Variants in PCDHGA7 observed in about 807,000 individuals in gnomAD.
The protein encoded by PCDHGA7 is protocadherin gamma-A7.
PCDHGA7 carries 44 observed loss-of-function variants against 58.3 expected under a neutral mutation model. The observed-to-expected ratio is 0.75, with a 90% CI of 0.59 to 0.97. The LOEUF (loss-of-function observed/expected upper bound fraction) is 0.97, where lower values mean the gene tolerates loss of function less well. Among genes scored for constraint, PCDHGA7 ranks in the 50% least tolerant of loss-of-function variants. The pLI is 0.00. For missense variants in PCDHGA7, 1,266 were observed against 1,188.7 expected (o/e 1.06, Z -0.96); for synonymous variants, 516 against 504.2 (o/e 1.02, Z -0.31).
chr5:141,494,234 A>G (rs1299510042), intron 1 of PCDHGA7, among the ~76,000 whole-genome samples: 1 of 152,138 alleles, frequency 6.6e-6, no homozygotes, highest in Non-Finnish European at 1.5e-5. Context: ...CTAAATTAAT[A>G]ATGTATTTAG....
intron 1 of PCDHGA7, among the ~76,000 whole-genome samples, chr5:141,401,792 T>C (rs1359997438): frequency 6.6e-6 from 1 of 152,212 alleles, no homozygotes; most frequent in Non-Finnish European, 1.5e-5. Context: ...CCTTAGTATG[T>C]GATTCAGTAA....
intron 1 of PCDHGA7, chr5:141,428,211 C>A: frequency 7.8e-7 from 1 of 1,284,316 alleles, no homozygotes; most frequent in Non-Finnish European, 1.1e-6. Context: ...CTACGCTTCA[C>A]CTAGTCTTCG....
At chr5:141,419,472 G>T in intron 1 of PCDHGA7, 1 of 1,612,328 alleles carries the variant, frequency 6.2e-7, no homozygotes, top group South Asian at 1.1e-5. Flanking sequence ...CGCGACCAGG[G>T]CTCGCCCGCG....
rs762574320 is a variant in PCDHGA7, at chr5:141,485,926, G to T, written c.2425-8881G>T. 2.5e-6 allele frequency: 4 copies of T among 1,614,090 alleles called. No individual in the cohort carries two copies. The highest frequency in any genetic ancestry group is 3.4e-6 in the Non-Finnish European group (4 of 1,180,052). On this transcript the variant is annotated intron_variant, in intron 1 of 3. Transcript: ENST00000518325. This position sits in a 1 kb window ranked among gnomAD's most constrained non-coding sequence, Gnocchi z 5.7. Reference sequence around the variant, plus strand: ...AGCAATCCAGCTACAGGATTAGTGTGTTGGAGAGCGCACCAGCGGGCATGG... The same window carrying T: ...AGCAATCCAGCTACAGGATTAGTGTTTTGGAGAGCGCACCAGCGGGCATGG...
intron 1 of PCDHGA7, among the ~76,000 whole-genome samples, chr5:141,474,763 A>G (rs2099354251): frequency 6.6e-6 from 1 of 152,254 alleles, no homozygotes; most frequent in Non-Finnish European, 1.5e-5. Flanking sequence ...ATATACAGAA[A>G]TAGTATGAGG....
rs370432555 is a variant in PCDHGA7 at position 141,388,865 on chromosome 5, G to A, written c.2424+3542G>A. On this transcript the variant is annotated intron_variant, in intron 1 of 3. Transcript: ENST00000518325. Reference sequence around the variant, plus strand: ...CAAGGGACGGTGGAGGAATGATTGCGCAATGCACAGTGGAGGTAGAAGTCA... The same window carrying A: ...CAAGGGACGGTGGAGGAATGATTGCACAATGCACAGTGGAGGTAGAAGTCA... 10 of 1,613,808 alleles carry A rather than the reference G, an allele frequency of 6.2e-6. No homozygotes were observed. In the East Asian group the frequency reaches 6.7e-5, roughly 11 times the overall value.
chr5:141,407,869 A>T lies in PCDHGA7; in HGVS notation c.2424+22546A>T, dbSNP rs1031666668. ...GGATGTACACCTGCATTTTCGAAGA[A>T]TATATACATTTCGGAGACCGAATTC... On this transcript the variant is annotated intron_variant, in intron 1 of 3. Coordinates refer to ENST00000518325, the MANE Select transcript of PCDHGA7 (RefSeq NM_018920.4). Among the ~76,000 whole-genome samples, 20 of 152,262 alleles carry T rather than the reference A, an allele frequency of 1.3e-4. No homozygotes were observed. The East Asian group carries it at 1.5e-3, about 12-fold the overall frequency.
chr5:141,441,740 G>T (rs1241907865), intron 1 of PCDHGA7: 2 of 364,772 alleles, frequency 5.5e-6, no homozygotes, highest in Non-Finnish European at 1.1e-5. Context: ...ACTAGCTCGC[G>T]CTCGGCGTCA....
chr5:141,465,056 G>A (rs908104635), intron 1 of PCDHGA7, among the ~76,000 whole-genome samples: 9 of 151,044 alleles, frequency 6.0e-5, no homozygotes, highest in Non-Finnish European at 1.3e-4. Context: ...ATATTTTTTT[G>A]AATTGTCTGT....
rs369791160 is a variant in PCDHGA7 at position 141,431,269 on chromosome 5, C to G, written c.2424+45946C>G. On this transcript the variant is annotated intron_variant, in intron 1 of 3. Transcript: ENST00000518325. This position sits in a 1 kb window ranked among gnomAD's most constrained non-coding sequence, Gnocchi z 4.8. ...TCGGGAAGAACTCTCTGCAGAGCTA[C>G]GAGCTCAGCCCGAACACTCACTTCT... 1.4e-5 allele frequency: 22 copies of G among 1,614,034 alleles called. No individual in the cohort carries two copies. The highest frequency in any genetic ancestry group is 2.7e-5 in the African/African-American group (2 of 74,954).
At chr5:141,415,302 G>A in intron 1 of PCDHGA7, 3 of 1,614,212 alleles carry the variant, frequency 1.9e-6, no homozygotes, top group South Asian at 2.2e-5. Context: ...GCGTCTTCCT[G>A]GCCTTCGTCA....
chr5:141,393,446 C>A (rs572838831), intron 1 of PCDHGA7: 1 of 1,614,038 alleles, frequency 6.2e-7, no homozygotes, highest in East Asian at 2.2e-5. Flanking sequence ...ACCACCTGGT[C>A]CTCACGGCCT....
At chr5:141,395,259 C>CT in intron 1 of PCDHGA7, 1 of 1,551,968 alleles carries the variant, frequency 6.4e-7, no homozygotes, top group Non-Finnish European at 8.7e-7. Flanking sequence ...TCTTTGCTTG[C>CT]TTTTAATTTC....
intron 1 of PCDHGA7, among the ~76,000 whole-genome samples, chr5:141,451,606 G>C (rs2098720118): frequency 6.6e-6 from 1 of 152,152 alleles, no homozygotes; most frequent in Non-Finnish European, 1.5e-5. Flanking sequence ...ACAAGGCTAG[G>C]CATGGTGGCT....
At chr5:141,404,102 T>C (rs1288980459) in intron 1 of PCDHGA7, 16 of 1,613,462 alleles carry the variant, frequency 9.9e-6, no homozygotes, top group Non-Finnish European at 8.5e-7. Context: ...TCAAGTTGTC[T>C]GTTCTATCCA....
In PCDHGA7 at chr5:141,475,307, T is replaced by C. The variant is rs527879991; in HGVS notation, c.2425-19500T>C. The stretch of plus-strand genomic sequence containing the variant: ...GGTAGGGAAATTTCTTATTGCTCCC[T>C]GGTTCTTAAGAAATGAGAGCTAACA... On this transcript the variant is annotated intron_variant, in intron 1 of 3. Transcript: ENST00000518325. 2.8e-4 allele frequency among the ~76,000 whole-genome samples: 43 copies of C among 152,348 alleles called. 1 individual carries two copies. Among genetic ancestry groups the C allele is most frequent in the Admixed American group, 8.5e-4 (13 of 15,298 alleles).
chr5:141,405,400 T>C (rs986034251), intron 1 of PCDHGA7: 3 of 1,590,732 alleles, frequency 1.9e-6, no homozygotes, highest in Non-Finnish European at 2.6e-6. Flanking sequence ...TTTTCTTTCT[T>C]TCTTTTCTTT....
rs373516334 is a variant in PCDHGA7 at position 141,414,175 on chromosome 5, A to G, written c.2424+28852A>G. On this transcript the variant is annotated intron_variant, in intron 1 of 3. Transcript: ENST00000518325. ...AGAAGATGGAGGAGCATATCTTGCA[A>G]CTGCAAAAGTGTTGATTACAGTAGA... 1.6e-5 allele frequency: 25 copies of G among 1,607,698 alleles called. No homozygotes were observed. The highest frequency in any genetic ancestry group is 1.3e-4 in the South Asian group (12 of 90,242).
chr5:141,476,309 A>G lies in PCDHGA7; in HGVS notation c.2425-18498A>G. ...GGATCTCGGTAGCCTCTCAGCCCGC[A>G]GGTTCCGGGTGGTGTCTGGAGCTAG... On this transcript the variant is annotated intron_variant, in intron 1 of 3. Transcript: ENST00000518325. The surrounding 1 kb of genome is among the most constrained non-coding windows in gnomAD (Gnocchi z 7.6). The G allele has an allele frequency of 6.2e-7, 1 of 1,613,966 alleles. No homozygotes were observed. Among genetic ancestry groups the G allele is most frequent in the Non-Finnish European group, 8.5e-7 (1 of 1,179,988 alleles).
Sources: gnomAD v4.1 joint callset for allele counts (sites outside exome capture counted in the v4.1 genomes callset) on GRCh38, gnomAD v4.1.1 for gene constraint, Gnocchi (gnomAD v3.1) non-coding constraint, MANE v1.5 for transcripts, NCBI Gene and HGNC (gene_info 2026-07-23, HGNC 2026-07-21) for gene names.